Variants in TOP6BL observed in about 807,000 individuals in gnomAD.
TOP6BL encodes type 2 DNA topoisomerase 6 subunit B-like.
the TOP6BL span, chr11:66,796,139 T>G: frequency 4.9e-6 from 3 of 615,512 alleles, no homozygotes; most frequent in Non-Finnish European, 5.8e-6. Context: ...CATACAATTC[T>G]CATTCCCAAA....
At chr11:66,820,575 C>T in the TOP6BL span, among the ~76,000 whole-genome samples, 1 of 152,108 alleles carries the variant, frequency 6.6e-6, no homozygotes, top group Non-Finnish European at 1.5e-5. Context: ...AGATAATCTC[C>T]CATTTAAAAG....
At chr11:66,775,497 A>G in the TOP6BL span, among the ~76,000 whole-genome samples, 159 of 152,336 alleles carry the variant, frequency 1.0e-3, no homozygotes, top group Non-Finnish European at 1.8e-3. Context: ...GCCAGGGCCA[A>G]TGAAATGTGA....
At chr11:66,790,131 G>A in the TOP6BL span, among the ~76,000 whole-genome samples, 2 of 152,064 alleles carry the variant, frequency 1.3e-5, no homozygotes, top group Admixed American at 6.6e-5. Flanking sequence ...AATTAGCCGG[G>A]TGTGGTGGCA....
chr11:66,768,895 G>A, the TOP6BL span, among the ~76,000 whole-genome samples: 1 of 152,148 alleles, frequency 6.6e-6, no homozygotes, highest in Admixed American at 6.5e-5. Context: ...CCTGGGAGCT[G>A]GCTCATTCTC....
chr11:66,794,898 C>T, the TOP6BL span, among the ~76,000 whole-genome samples: 10 of 152,036 alleles, frequency 6.6e-5, no homozygotes, highest in South Asian at 4.2e-4. Context: ...TTTGGGAGGC[C>T]GAGGTGGGCA....
At chr11:66,796,089 C>T in the TOP6BL span, 2 of 546,968 alleles carry the variant, frequency 3.7e-6, no homozygotes, top group South Asian at 2.5e-5. Context: ...GTAATAGATA[C>T]TCTAACCCAA....
chr11:66,821,412 C>T, the TOP6BL span, among the ~76,000 whole-genome samples: 14 of 151,940 alleles, frequency 9.2e-5, no homozygotes, highest in Non-Finnish European at 1.3e-4. Flanking sequence ...CTCAGCCTCC[C>T]GAGTAGCTGG....
At chr11:66,771,029 CTCTTA>C in the TOP6BL span, among the ~76,000 whole-genome samples, 4 of 152,136 alleles carry the variant, frequency 2.6e-5, no homozygotes, top group East Asian at 3.9e-4. Flanking sequence ...TTGTTCAGTA[CTCTTA>C]TCTTGTTTAT....
the TOP6BL span, among the ~76,000 whole-genome samples, chr11:66,811,801 A>G: frequency 2.6e-5 from 4 of 152,272 alleles, no homozygotes; most frequent in African/African-American, 9.6e-5. Context: ...CCTGGCAGGC[A>G]TGGTGGCTCT....
the TOP6BL span, among the ~76,000 whole-genome samples, chr11:66,777,994 G>A: frequency 2.0e-5 from 3 of 152,084 alleles, no homozygotes; most frequent in Admixed American, 6.5e-5. Flanking sequence ...AAGTTAATGA[G>A]ATGGTTAAAA....
the TOP6BL span, among the ~76,000 whole-genome samples, chr11:66,836,218 CTGTTGT>C: frequency 2.0e-5 from 3 of 151,870 alleles, no homozygotes; most frequent in Non-Finnish European, 4.4e-5. Flanking sequence ...TGCCCATTTG[CTGTTGT>C]TGTTGTTGTT....
the TOP6BL span, among the ~76,000 whole-genome samples, chr11:66,842,682 C>T: frequency 6.6e-6 from 1 of 152,194 alleles, no homozygotes; most frequent in Non-Finnish European, 1.5e-5. Context: ...CCTCGGGCTG[C>T]TCCAGAAGCG....
chr11:66,764,344 T>C, the TOP6BL span, among the ~76,000 whole-genome samples: 2 of 152,006 alleles, frequency 1.3e-5, no homozygotes, highest in East Asian at 3.9e-4. Flanking sequence ...TTAATGTCTG[T>C]GAAATTGCTT....
At chr11:66,842,457 C>T in the TOP6BL span, among the ~76,000 whole-genome samples, 3 of 152,206 alleles carry the variant, frequency 2.0e-5, no homozygotes, top group Admixed American at 2.0e-4. Context: ...TGCCTATGGG[C>T]ACTGCTCAAT....
chr11:66,800,771 C>A, the TOP6BL span: 1 of 1,306,542 alleles, frequency 7.7e-7, no homozygotes, highest in South Asian at 1.4e-5. Flanking sequence ...GTCCTATTTC[C>A]AAAAGGTTCA....
At chr11:66,815,439 T>G in the TOP6BL span, among the ~76,000 whole-genome samples, 1 of 152,208 alleles carries the variant, frequency 6.6e-6, no homozygotes, top group Non-Finnish European at 1.5e-5. Flanking sequence ...AAGTGACCAC[T>G]GGGCAATGGA....
At chr11:66,783,503 T>C in the TOP6BL span, among the ~76,000 whole-genome samples, 1 of 152,236 alleles carries the variant, frequency 6.6e-6, no homozygotes, top group Non-Finnish European at 1.5e-5. Context: ...ATGGGTTTTT[T>C]TTGCTAATTT....
chr11:66,792,115 T>G, the TOP6BL span, among the ~76,000 whole-genome samples: 1 of 152,120 alleles, frequency 6.6e-6, no homozygotes, highest in Non-Finnish European at 1.5e-5. Context: ...CAGCTTCCTC[T>G]CTCTAATAAT....
At chr11:66,762,333 C>G in the TOP6BL span, 2 of 393,678 alleles carry the variant, frequency 5.1e-6, no homozygotes, top group Non-Finnish European at 4.6e-6. Context: ...GGGCGGGCCC[C>G]GGGGGTGTGG....
Sources: gnomAD v4.1 joint callset for allele counts (sites outside exome capture counted in the v4.1 genomes callset) on GRCh38, gnomAD v4.1.1 for gene constraint, MANE v1.5 for transcripts, NCBI Gene and HGNC (gene_info 2026-07-23, HGNC 2026-07-21) for gene names.